Variants in GALNT10 observed in about 807,000 individuals in gnomAD.
The protein encoded by GALNT10 is polypeptide N-acetylgalactosaminyltransferase 10, also known as GalNAc transferase 10.
Under a neutral mutation model 75.0 loss-of-function variants are expected in GALNT10, and 41 were observed. That is an observed-to-expected ratio of 0.55 (90% CI 0.43 to 0.71). GALNT10 has a LOEUF of 0.71. Ranked by LOEUF, GALNT10 falls within the 30% of genes least tolerant of loss-of-function variation. GALNT10 has a pLI of 0.00. For missense variants in GALNT10, 727 were observed against 818.5 expected (o/e 0.89, Z 1.36); for synonymous variants, 302 against 313.0 (o/e 0.96, Z 0.37).
At chr5:154,328,669 AC>A (rs1248082826) in intron 3 of GALNT10, among the ~76,000 whole-genome samples, 3 of 152,062 alleles carry the variant, frequency 2.0e-5, no homozygotes, top group African/African-American at 7.2e-5. Context: ...ATTATCCCTC[AC>A]CCCCAATCTT....
intron 1 of GALNT10, among the ~76,000 whole-genome samples, chr5:154,215,389 G>A (rs909323931): frequency 1.3e-4 from 20 of 152,200 alleles, no homozygotes; most frequent in African/African-American, 4.3e-4. Context: ...GGCTGAGGCA[G>A]GAGAATGGCG....
At chr5:154,260,333 A>G (rs1007763) in intron 1 of GALNT10, among the ~76,000 whole-genome samples, 54,021 of 152,050 alleles carry the variant, frequency 0.36, 11,795 homozygotes, top group East Asian at 0.76. Flanking sequence ...GTCCATAATT[A>G]CATTATTATT....
chr5:154,291,002 A>G (rs1463160825), intron 1 of GALNT10, among the ~76,000 whole-genome samples: 5 of 152,192 alleles, frequency 3.3e-5, no homozygotes, highest in Non-Finnish European at 1.5e-5. Flanking sequence ...ATAAGGACCA[A>G]TGAGACCTAA....
intron 4 of GALNT10, among the ~76,000 whole-genome samples, chr5:154,330,162 G>A (rs1472115124): frequency 6.6e-6 from 1 of 152,232 alleles, no homozygotes; most frequent in African/African-American, 2.4e-5. Context: ...GTCACAAAAT[G>A]GTACCTCTGG....
chr5:154,355,317 G>A (rs1000438891), intron 4 of GALNT10, among the ~76,000 whole-genome samples: 2 of 152,178 alleles, frequency 1.3e-5, no homozygotes, highest in African/African-American at 4.8e-5. Context: ...TCTGCCTCCT[G>A]ACAGTCCCAC....
intron 4 of GALNT10, among the ~76,000 whole-genome samples, chr5:154,346,139 C>CGTGT (rs36124544): frequency 0.48 from 71,508 of 147,606 alleles, 18,592 homozygotes; most frequent in East Asian, 0.61. Flanking sequence ...TTCGTGTGTG[C>CGTGT]GTGTGTGTGT....
chr5:154,338,778 T>C (rs1260478887), intron 4 of GALNT10, among the ~76,000 whole-genome samples: 2 of 152,174 alleles, frequency 1.3e-5, no homozygotes, highest in Non-Finnish European at 2.9e-5. Flanking sequence ...AATGGTGACA[T>C]AGAGACAGGT....
intron 5 of GALNT10, among the ~76,000 whole-genome samples, chr5:154,378,647 C>G (rs889691876): frequency 6.6e-6 from 1 of 152,192 alleles, no homozygotes; most frequent in Non-Finnish European, 1.5e-5. Context: ...GTCTTCCTCC[C>G]CTTTGTCAGC....
At chr5:154,259,371 G>A (rs545853355) in intron 1 of GALNT10, among the ~76,000 whole-genome samples, 2 of 152,242 alleles carry the variant, frequency 1.3e-5, no homozygotes, top group South Asian at 4.1e-4. Context: ...TCATATCAGG[G>A]CATAGTCCTG....
intron 4 of GALNT10, among the ~76,000 whole-genome samples, chr5:154,361,717 G>A (rs1755391403): frequency 1.3e-5 from 2 of 152,248 alleles, no homozygotes; most frequent in Non-Finnish European, 2.9e-5. Context: ...CATCTAGACA[G>A]TGGGTTAATT....
At chr5:154,360,336 A>G (rs565858478) in intron 4 of GALNT10, among the ~76,000 whole-genome samples, 343 of 152,184 alleles carry the variant, frequency 2.3e-3, no homozygotes, top group South Asian at 5.0e-3. Context: ...CTGTAATCCC[A>G]ACTACTTGGG....
chr5:154,229,110 G>C (rs1356913717), intron 1 of GALNT10, among the ~76,000 whole-genome samples: 2 of 152,140 alleles, frequency 1.3e-5, no homozygotes, highest in African/African-American at 4.8e-5. Flanking sequence ...ATTTTTGTTA[G>C]TTTTTGTTTC....
intron 1 of GALNT10, among the ~76,000 whole-genome samples, chr5:154,253,318 C>T (rs1443718904): frequency 1.4e-5 from 2 of 145,680 alleles, no homozygotes; most frequent in African/African-American, 5.1e-5. Context: ...CGCATATTCT[C>T]ACTCATAGGT....
chr5:154,222,292 G>A (rs78053153), intron 1 of GALNT10, among the ~76,000 whole-genome samples: 6,001 of 149,448 alleles, frequency 0.04, 393 homozygotes, highest in African/African-American at 0.14. Flanking sequence ...GTTCTTGTGT[G>A]TATCAACAGT....
At chr5:154,229,394 GATT>G (rs1753112140) in intron 1 of GALNT10, among the ~76,000 whole-genome samples, 1 of 152,160 alleles carries the variant, frequency 6.6e-6, no homozygotes, top group South Asian at 2.1e-4. Context: ...AAAACAATAT[GATT>G]ATTTGTATGA....
intron 10 of GALNT10, 76 bp from the exon 11 acceptor site, chr5:154,415,707 C>T: frequency 3.1e-6 from 4 of 1,302,782 alleles, no homozygotes; most frequent in Non-Finnish European, 3.1e-6. Flanking sequence ...TAAATTTTTC[C>T]ATAATTTAAA....
intron 1 of GALNT10, among the ~76,000 whole-genome samples, chr5:154,229,132 G>T (rs911969380): frequency 6.6e-6 from 1 of 152,110 alleles, no homozygotes; most frequent in African/African-American, 2.4e-5. Context: ...ATTTCTTTTG[G>T]TAAGCACTAG....
intron 1 of GALNT10, among the ~76,000 whole-genome samples, chr5:154,268,060 C>T (rs1431782224): frequency 6.6e-6 from 1 of 152,148 alleles, no homozygotes; most frequent in Non-Finnish European, 1.5e-5. Flanking sequence ...CATTTTTGCA[C>T]AGAGCCAAAT....
intron 7 of GALNT10, chr5:154,403,643 T>C (rs530720295): frequency 5.2e-6 from 1 of 191,146 alleles, no homozygotes; most frequent in South Asian, 8.7e-5. Flanking sequence ...ATCACCATGG[T>C]CTTTCCCACT....
Sources: gnomAD v4.1 joint callset for allele counts (sites outside exome capture counted in the v4.1 genomes callset) on GRCh38, gnomAD v4.1.1 for gene constraint, MANE v1.5 for transcripts, NCBI Gene and HGNC (gene_info 2026-07-23, HGNC 2026-07-21) for gene names.